The following GPATCH8 variants were observed in gnomAD, a reference collection of about 807,000 sequenced individuals.
GPATCH8 encodes G-patch domain containing 8.
In GPATCH8, 18 loss-of-function variants were observed where a neutral mutation model predicts 118.3. The observed-to-expected ratio is 0.15, with a 90% CI of 0.11 to 0.23. The LOEUF (loss-of-function observed/expected upper bound fraction) is 0.23. GPATCH8 is among the 10% of genes least tolerant of loss of function. GPATCH8 has a pLI of 1.00. For synonymous variants in GPATCH8, 659 were observed against 684.7 expected (o/e 0.96, Z 0.59); for missense variants, 1,631 against 1,873.8 (o/e 0.87, Z 2.39).
intron 6 of GPATCH8, among the ~76,000 whole-genome samples, chr17:44,423,462 T>C (rs543169428): frequency 1.4e-3 from 215 of 152,250 alleles, no homozygotes; most frequent in Non-Finnish European, 1.8e-3. Flanking sequence ...AATCTTATGG[T>C]TGGTGGAAGA....
At chr17:44,488,071 C>A (rs372914705) in intron 1 of GPATCH8, among the ~76,000 whole-genome samples, 3 of 149,728 alleles carry the variant, frequency 2.0e-5, no homozygotes, top group African/African-American at 7.4e-5. Context: ...TACAGGAGTG[C>A]GCCACCACAT....
chr17:44,466,913 C>T (rs1008588430), intron 2 of GPATCH8, among the ~76,000 whole-genome samples: 6 of 152,074 alleles, frequency 3.9e-5, no homozygotes, highest in Non-Finnish European at 8.8e-5. Flanking sequence ...TTGCTCCCCC[C>T]CCCTCCATTT....
chr17:44,470,034 C>T (rs1395881511), intron 2 of GPATCH8, among the ~76,000 whole-genome samples: 2 of 152,164 alleles, frequency 1.3e-5, no homozygotes, highest in East Asian at 3.8e-4. Context: ...ATTTTTAAAC[C>T]TATTAGGTCA....
chr17:44,419,785 T>A (rs1037471306), intron 6 of GPATCH8, among the ~76,000 whole-genome samples: 1 of 152,024 alleles, frequency 6.6e-6, no homozygotes, highest in Non-Finnish European at 1.5e-5. Context: ...CTCAGCCTCC[T>A]CAGTAGCTGG....
intron 6 of GPATCH8, among the ~76,000 whole-genome samples, chr17:44,413,589 C>T (rs925675604): frequency 6.6e-6 from 1 of 152,204 alleles, no homozygotes; most frequent in African/African-American, 2.4e-5. Flanking sequence ...GATTCTCCTG[C>T]CTCAGCCTCC....
At chr17:44,466,718 T>C (rs2051778696) in intron 2 of GPATCH8, among the ~76,000 whole-genome samples, 1 of 152,104 alleles carries the variant, frequency 6.6e-6, no homozygotes, top group Non-Finnish European at 1.5e-5. Flanking sequence ...GAAAACAAAC[T>C]TACCTGTGCA....
At chr17:44,448,880 A>G (rs928351976) in intron 3 of GPATCH8, among the ~76,000 whole-genome samples, 1 of 152,150 alleles carries the variant, frequency 6.6e-6, no homozygotes, top group Non-Finnish European at 1.5e-5. Flanking sequence ...TAATGAAGGT[A>G]ATTTTCTTAG....
Position 44,401,350 on chromosome 17 carries a change from C to T in GPATCH8, c.727G>A (p.Ala243Thr). 1 of 1,611,214 alleles carries T rather than the reference C, an allele frequency of 6.2e-7. No homozygotes were observed. The highest frequency in any genetic ancestry group is 8.5e-7 in the Non-Finnish European group (1 of 1,178,082). Reference protein sequence around the residue: ...DESATNSGTGATASCGLGSEF... With the variant: ...DESATNSGTGTTASCGLGSEF... ...GATCCCAGGCCACAAGAAGCAGTGGCACCTGTGCCACTATTTGTAGCTGAT... is the reference window on the plus strand; with the variant it reads ...GATCCCAGGCCACAAGAAGCAGTGGTACCTGTGCCACTATTTGTAGCTGAT... Residue 243 changes from alanine to threonine, a missense_variant, in exon 8 of 8, where the codon GCC becomes ACC. Ala to Thr is a moderately conservative substitution (Grantham distance 58). Coordinates refer to ENST00000591680, the MANE Select transcript of GPATCH8 (RefSeq NM_001002909.4).
rs926238185 is a variant in GPATCH8 at position 44,395,666 on chromosome 17, C to T, written c.*1902G>A. The T allele has an allele frequency of 4.4e-6, 2 of 454,016 alleles. No homozygotes were observed. Among genetic ancestry groups the T allele is most frequent in the African/African-American group, 4.0e-5 (2 of 50,010 alleles). 28.1% of individuals were successfully genotyped at this position (454,016 alleles called of 1,614,324 possible). On this transcript the variant is annotated 3_prime_UTR_variant, in exon 8 of 8. Transcript: ENST00000591680. ...CTGAACAGGTAGGAGGGTGGGAGGG[C>T]AGTCAAGAGTTGTGTTTGCCTGCCA...
At chr17:44,451,387 C>T (rs540424462) in intron 3 of GPATCH8, among the ~76,000 whole-genome samples, 1 of 152,178 alleles carries the variant, frequency 6.6e-6, no homozygotes, top group Admixed American at 6.5e-5. Context: ...GCCACCACAC[C>T]CAACCCAGAT....
chr17:44,414,011 A>G (rs1355900536), intron 6 of GPATCH8, among the ~76,000 whole-genome samples: 3 of 150,822 alleles, frequency 2.0e-5, no homozygotes, highest in African/African-American at 4.9e-5. Flanking sequence ...AAACTCCTTA[A>G]AAGTATGGTA....
intron 1 of GPATCH8, among the ~76,000 whole-genome samples, chr17:44,482,751 A>G (rs191636300): frequency 1.2e-3 from 178 of 152,190 alleles, no homozygotes; most frequent in Admixed American, 3.3e-3. Flanking sequence ...ATAGAAATCC[A>G]TATCAAATAA....
chr17:44,452,225 A>C, intron 3 of GPATCH8, among the ~76,000 whole-genome samples: 1 of 147,128 alleles, frequency 6.8e-6, no homozygotes, highest in South Asian at 2.2e-4. Flanking sequence ...GTGAGCCGAG[A>C]CTGCACCACT....
chr17:44,462,058 T>C (rs2051574187), intron 3 of GPATCH8, among the ~76,000 whole-genome samples: 1 of 152,046 alleles, frequency 6.6e-6, no homozygotes, highest in African/African-American at 2.4e-5. Flanking sequence ...AGTAGGTGAG[T>C]AGCCATTTAC....
Position 44,400,938 on chromosome 17 carries a change from A to C in GPATCH8, c.1139T>G (p.Met380Arg). Reference sequence around the variant, plus strand: ...AGCCCCAGCTCCTTCTTCTCGTTTCATCCTTTTTAATTTGGATAATGTTGA... The same window carrying C: ...AGCCCCAGCTCCTTCTTCTCGTTTCCTCCTTTTTAATTTGGATAATGTTGA... ...LASTLSKLKR[M>R]KREEGAGATE... The change falls in exon 8 of 8, where the codon ATG becomes AGG. Residue 380 changes from methionine to arginine, a missense_variant. Around this residue, in one of 8 missense-constraint regions of GPATCH8, gnomAD observed 405 missense variants for 462.7 expected, o/e 0.88. Coordinates refer to ENST00000591680, the MANE Select transcript of GPATCH8 (RefSeq NM_001002909.4). 1 of 1,614,112 alleles carries C rather than the reference A, an allele frequency of 6.2e-7. No homozygotes were observed. Among genetic ancestry groups the C allele is most frequent in the Non-Finnish European group, 8.5e-7 (1 of 1,180,010 alleles).
intron 1 of GPATCH8, among the ~76,000 whole-genome samples, chr17:44,481,647 T>C (rs1191652314): frequency 2.0e-5 from 3 of 152,218 alleles, no homozygotes; most frequent in Non-Finnish European, 4.4e-5. Context: ...GAACTGTACA[T>C]GTAAATGGGC....
At chr17:44,413,641 AATT>A (rs1434428678) in intron 6 of GPATCH8, among the ~76,000 whole-genome samples, 2 of 151,872 alleles carry the variant, frequency 1.3e-5, no homozygotes, top group African/African-American at 4.8e-5. Context: ...ACACCGGGCT[AATT>A]TTTTTGAGAT....
chr17:44,476,078 A>C (rs1171895357), intron 1 of GPATCH8, among the ~76,000 whole-genome samples: 2 of 152,190 alleles, frequency 1.3e-5, no homozygotes, highest in African/African-American at 4.8e-5. Flanking sequence ...AGTAATCTGA[A>C]CTTTTAGTCT....
chr17:44,495,787 C>T (rs1271256886), intron 1 of GPATCH8, among the ~76,000 whole-genome samples: 2 of 152,166 alleles, frequency 1.3e-5, no homozygotes, highest in African/African-American at 4.8e-5. Context: ...CATAATTTCA[C>T]TCATAGCTCT....
Sources: allele counts gnomAD v4.1 joint callset (sites outside exome capture counted in the v4.1 genomes callset), GRCh38; gene constraint gnomAD v4.1.1; regional missense constraint gnomAD v4.1.1; transcripts MANE v1.5; gene names NCBI Gene and HGNC (gene_info 2026-07-23, HGNC 2026-07-21).